Variants in UGGT1 observed in about 807,000 individuals in gnomAD.
UGGT1 encodes the protein UDP-glucose glycoprotein glucosyltransferase 1.
A neutral mutation model predicts 203.9 loss-of-function variants in UGGT1; 107 were observed. That is an observed-to-expected ratio of 0.52 (90% CI 0.45 to 0.62). UGGT1 has a LOEUF of 0.62. UGGT1 is among the 20% of genes least tolerant of loss of function. The pLI is 0.00. For synonymous variants in UGGT1, 628 were observed against 653.5 expected (o/e 0.96, Z 0.59); for missense variants, 1,673 against 1,867.2 (o/e 0.90, Z 1.92).
chr2:128,115,556 C>T (rs1249110882), intron 7 of UGGT1, among the ~76,000 whole-genome samples: 2 of 150,464 alleles, frequency 1.3e-5, no homozygotes, highest in East Asian at 3.9e-4. Flanking sequence ...CAAAAACGTT[C>T]AGCAAGTAGT....
intron 17 of UGGT1, 82 bp downstream of exon 17, chr2:128,143,307 T>C: frequency 1.4e-6 from 2 of 1,406,040 alleles, no homozygotes; most frequent in South Asian, 3.3e-5. Flanking sequence ...TGGTTAATAA[T>C]GGCGATGGTG....
intron 38 of UGGT1, among the ~76,000 whole-genome samples, chr2:128,184,973 T>C (rs1403170143): frequency 6.6e-6 from 1 of 152,136 alleles, no homozygotes; most frequent in Non-Finnish European, 1.5e-5. Context: ...CGAGCCACAG[T>C]GCCCGGCTCT....
At chr2:128,102,092 C>T (rs1202551387) in intron 2 of UGGT1, among the ~76,000 whole-genome samples, 1 of 152,112 alleles carries the variant, frequency 6.6e-6, no homozygotes, top group African/African-American at 2.4e-5. Context: ...TCTCCTCCCG[C>T]ACTAGAATAT....
intron 29 of UGGT1, among the ~76,000 whole-genome samples, 171 bp downstream of exon 29, chr2:128,172,933 C>T (rs1691187485): frequency 6.6e-6 from 1 of 152,148 alleles, no homozygotes; most frequent in Non-Finnish European, 1.5e-5. Flanking sequence ...TTAACGTGTA[C>T]AGTTGAGAGG....
chr2:128,111,756 A>G (rs1330829595), intron 5 of UGGT1, among the ~76,000 whole-genome samples: 2 of 151,890 alleles, frequency 1.3e-5, no homozygotes, highest in Non-Finnish European at 2.9e-5. Context: ...CGGCCTCCCA[A>G]AGTGCTGGGA....
intron 26 of UGGT1, among the ~76,000 whole-genome samples, chr2:128,166,035 G>A (rs560106052): frequency 4.6e-5 from 7 of 152,146 alleles, no homozygotes; most frequent in South Asian, 4.1e-4. Flanking sequence ...GTGCTTGGCC[G>A]AAAACTTTTG....
intron 5 of UGGT1, among the ~76,000 whole-genome samples, chr2:128,112,310 A>T (rs1046247321): frequency 6.0e-5 from 9 of 149,116 alleles, no homozygotes; most frequent in Non-Finnish European, 1.5e-5. Context: ...AATCCCAGCT[A>T]CTGAGGAGGC....
chr2:128,099,589 G>C (rs1480587606), intron 2 of UGGT1, among the ~76,000 whole-genome samples: 1 of 152,208 alleles, frequency 6.6e-6, no homozygotes, highest in African/African-American at 2.4e-5. Context: ...CAGTGGGAGG[G>C]GGCATGTGGC....
At chr2:128,118,381 T>G (rs1040519862) in intron 8 of UGGT1, among the ~76,000 whole-genome samples, 3 of 152,112 alleles carry the variant, frequency 2.0e-5, no homozygotes, top group African/African-American at 7.2e-5. Flanking sequence ...TCCTCCTACC[T>G]CACCCTCTCG....
At chr2:128,155,978 A>G (rs10496666) in intron 20 of UGGT1, among the ~76,000 whole-genome samples, 25,237 of 152,240 alleles carry the variant, frequency 0.17, 2,602 homozygotes, top group South Asian at 0.32. Context: ...AAAGCCTTGT[A>G]TAATCTTTGA....
rs115270221 is a variant in UGGT1, at chr2:128,116,549, C to T, written c.872+206C>T. On this transcript the variant is annotated intron_variant, in intron 8 of 40. Transcript: ENST00000259253. Reference sequence around the variant, plus strand: ...CACATTATTCTTTTTTTTTTGGAGACAGGGTCTCGCTGTGTCGCCCAGGTT... The same window carrying T: ...CACATTATTCTTTTTTTTTTGGAGATAGGGTCTCGCTGTGTCGCCCAGGTT... Among the ~76,000 whole-genome samples the T allele has an allele frequency of 4.4e-3, 671 of 151,748 alleles. 2 individuals carry two copies. The highest frequency in any genetic ancestry group is 0.015 in the African/African-American group (637 of 41,402).
intron 25 of UGGT1, among the ~76,000 whole-genome samples, chr2:128,162,938 C>T (rs1690598116): frequency 1.3e-5 from 2 of 151,978 alleles, no homozygotes; most frequent in South Asian, 4.1e-4. Flanking sequence ...CCCAAAATTA[C>T]CTTGTCTGCA....
chr2:128,182,024 G>A (rs13000972), intron 36 of UGGT1, 106 bp from the exon 37 acceptor site: 402,071 of 1,110,916 alleles, frequency 0.36, 76,768 homozygotes, highest in South Asian at 0.39. Flanking sequence ...CACTAACCAC[G>A]GAGCAGCCTT....
In UGGT1 at chr2:128,178,664, A is replaced by T. The variant is rs140990787; in HGVS notation, c.3815+95A>T. ...GGTTTTGTGGGATTCTGCTCATTAT[A>T]CTCCTGTGTCTTTGAAGCACTCTGA... On this transcript the variant is annotated intron_variant, in intron 34 of 40. Coordinates refer to ENST00000259253, the MANE Select transcript of UGGT1 (RefSeq NM_020120.4). The T allele has an allele frequency of 1.0e-3, 1,058 of 1,062,374 alleles. 4 individuals carry two copies. The highest frequency in any genetic ancestry group is 8.7e-3 in the Middle Eastern group (28 of 3,218). The allele number at this position is 1,062,374 out of a possible 1,614,324, so 65.8% of individuals were successfully genotyped here. A position where few individuals can be genotyped will look rare whatever the true frequency, so the allele number is the denominator to read the frequency against.
In UGGT1 at chr2:128,097,567, A is replaced by G; in HGVS notation, c.194+3A>G. On this transcript the variant is annotated splice_donor_region_variant and intron_variant, in intron 2 of 40. Coordinates refer to ENST00000259253, the MANE Select transcript of UGGT1 (RefSeq NM_020120.4). ...ACTCCATTGTTGTTAGAAGCCAGGT[A>G]AGAGAACATTTTTTTTCCCTTCGTG... 1.2e-6 allele frequency: 2 copies of G among 1,613,616 alleles called. No individual in the cohort carries two copies. Among genetic ancestry groups the G allele is most frequent in the Non-Finnish European group, 1.7e-6 (2 of 1,179,866 alleles).
intron 15 of UGGT1, among the ~76,000 whole-genome samples, chr2:128,138,194 A>C (rs1056581768): frequency 1.3e-5 from 2 of 152,190 alleles, no homozygotes; most frequent in African/African-American, 4.8e-5. Flanking sequence ...AGAAAGGCCT[A>C]AGCCACGTTT....
At chr2:128,124,724 C>T (rs895366765) in intron 11 of UGGT1, among the ~76,000 whole-genome samples, 8 of 148,698 alleles carry the variant, frequency 5.4e-5, no homozygotes, top group Non-Finnish European at 8.9e-5. Flanking sequence ...AGTTTTTAAC[C>T]TGTGTGTATC....
chr2:128,176,697 A>G (rs769904890), intron 31 of UGGT1, 117 bp from the exon 32 acceptor site: 42 of 937,234 alleles, frequency 4.5e-5, no homozygotes, highest in Middle Eastern at 2.4e-4. Flanking sequence ...GAGCAAGAAG[A>G]TAGCTGGATC....
intron 33 of UGGT1, 46 bp from the exon 34 acceptor site, chr2:128,178,422 T>C (rs1208995320): frequency 6.7e-7 from 1 of 1,488,714 alleles, no homozygotes; most frequent in East Asian, 2.3e-5. Flanking sequence ...GCCGTGTGTC[T>C]GTATGAGTGT....
Sources: gnomAD v4.1 joint callset for allele counts (sites outside exome capture counted in the v4.1 genomes callset) on GRCh38, gnomAD v4.1.1 for gene constraint, MANE v1.5 for transcripts, NCBI Gene and HGNC (gene_info 2026-07-23, HGNC 2026-07-21) for gene names.